Variants in ABI2 observed in about 807,000 individuals in gnomAD.
ABI2 encodes the protein abl interactor 2.
Under a neutral mutation model 59.2 loss-of-function variants are expected in ABI2, and 25 were observed. That is an observed-to-expected ratio of 0.42 (90% CI 0.31 to 0.59). The LOEUF is 0.59. Ranked by LOEUF, ABI2 falls within the 20% of genes least tolerant of loss-of-function variation. The probability of loss-of-function intolerance (pLI) is 0.14; values close to 1 mark genes in which losing one functional copy is unlikely to be tolerated. For missense variants in ABI2, 545 were observed against 681.8 expected, an observed-to-expected ratio of 0.80 and a Z score of 2.23; for synonymous variants, 213 against 235.5, an observed-to-expected ratio of 0.90 and a Z score of 0.87.
intron 3 of ABI2, among the ~76,000 whole-genome samples, chr2:203,381,106 T>C (rs2096092564): frequency 6.6e-6 from 1 of 152,224 alleles, no homozygotes. Flanking sequence ...TTCATGTAGT[T>C]GATTTTTTTT....
chr2:203,339,519 T>C (rs2078602578), intron 1 of ABI2, among the ~76,000 whole-genome samples: 1 of 147,214 alleles, frequency 6.8e-6, no homozygotes, highest in Non-Finnish European at 1.5e-5. Context: ...AGGCAGAGGT[T>C]GCAGTGAGCC....
chr2:203,392,077 G>T (rs985920658), intron 5 of ABI2, among the ~76,000 whole-genome samples: 2 of 152,202 alleles, frequency 1.3e-5, no homozygotes, highest in Admixed American at 6.5e-5. Context: ...CAGCTGCCAA[G>T]AATTCAGTTT....
chr2:203,376,245 CATG>C, intron 2 of ABI2: 5 of 716,522 alleles, frequency 7.0e-6, no homozygotes, highest in Non-Finnish European at 1.1e-5. Flanking sequence ...TGTCACATCT[CATG>C]GTGGGGGAGT....
chr2:203,394,889 C>T, intron 6 of ABI2, 43 bp downstream of exon 6: 1 of 1,600,552 alleles, frequency 6.2e-7, no homozygotes. Context: ...GTCATAGTAC[C>T]ATAATCTGTT....
At chr2:203,335,424 A>AT (rs970567933) in intron 1 of ABI2, among the ~76,000 whole-genome samples, 4 of 151,732 alleles carry the variant, frequency 2.6e-5, no homozygotes, top group African/African-American at 7.3e-5. Context: ...TGCCCAGCTA[A>AT]TTTTTTTTGT....
At chr2:203,391,203 C>A in intron 5 of ABI2, 60 bp downstream of exon 5, 7 of 1,154,560 alleles carry the variant, frequency 6.1e-6, no homozygotes, top group Non-Finnish European at 8.4e-6. Context: ...AAATGAAGCA[C>A]AACATATTTA....
intron 1 of ABI2, among the ~76,000 whole-genome samples, chr2:203,338,856 G>T (rs945739452): frequency 1.4e-5 from 2 of 145,228 alleles, no homozygotes; most frequent in Non-Finnish European, 3.0e-5. Context: ...GGCAATTTAT[G>T]GAATGGGAGA....
chr2:203,424,823 A>G (rs187980867), intron 11 of ABI2, among the ~76,000 whole-genome samples: 117 of 152,338 alleles, frequency 7.7e-4, no homozygotes, highest in Non-Finnish European at 1.5e-3. Flanking sequence ...CTCTACCATT[A>G]TAAACAGTCT....
chr2:203,395,485 ATT>A (rs1553589684), intron 6 of ABI2, among the ~76,000 whole-genome samples, 169 bp from the exon 7 acceptor site: 2 of 146,098 alleles, frequency 1.4e-5, no homozygotes, highest in African/African-American at 5.1e-5. Flanking sequence ...ACACACACAC[ATT>A]TTTTTTTAAC....
intron 1 of ABI2, among the ~76,000 whole-genome samples, chr2:203,360,091 A>G (rs1323082271): frequency 6.7e-6 from 1 of 149,826 alleles, no homozygotes; most frequent in Non-Finnish European, 1.5e-5. Context: ...AGGCTGAGGC[A>G]GGAGAATCGC....
chr2:203,402,581 C>G lies in ABI2; in HGVS notation c.1039C>G (p.Pro347Ala). The G allele has an allele frequency of 6.5e-7, 1 of 1,541,232 alleles. No homozygotes were observed. The highest frequency in any genetic ancestry group is 8.7e-7 in the Non-Finnish European group (1 of 1,151,302). The change falls in exon 9 of 12, where the codon CCT becomes GCT. Residue 347 changes from proline (P) to alanine (A), a missense_variant. Coordinates refer to ENST00000261018, the MANE Select transcript of ABI2 (RefSeq NM_001375670.1). ...VVSSTPPTGH[P>A]VQFYSMNRPA... ...ATGTTCTATCTCTTTTTCAGGTCAT[C>G]CTGTACAGTTCTACAGCATGAATAG...
At chr2:203,398,803 A>C (rs2097108227) in intron 8 of ABI2, among the ~76,000 whole-genome samples, 2 of 152,152 alleles carry the variant, frequency 1.3e-5, no homozygotes, top group Admixed American at 6.5e-5. Context: ...GAAAGCATAT[A>C]GTATGTAGCT....
chr2:203,380,460 T>TA (rs1262660441), intron 3 of ABI2, 76 bp downstream of exon 3: 11 of 984,084 alleles, frequency 1.1e-5, no homozygotes, highest in Non-Finnish European at 1.6e-5. Context: ...TTAAGCTTTT[T>TA]ATCTGTCTTT....
At chr2:203,358,111 GTGTT>G (rs776036611) in intron 1 of ABI2, among the ~76,000 whole-genome samples, 1,254 of 109,190 alleles carry the variant, frequency 0.011, 6 homozygotes, top group Non-Finnish European at 0.015. Context: ...GTGTGTGTGT[GTGTT>G]TGTTTGTTTG....
intron 1 of ABI2, among the ~76,000 whole-genome samples, chr2:203,333,863 G>A (rs886276142): frequency 2.0e-5 from 3 of 152,030 alleles, no homozygotes; most frequent in Non-Finnish European, 4.4e-5. Flanking sequence ...TCCTTGAAGA[G>A]CTTCCTGGTT....
chr2:203,329,301 G>A (rs2071074769), intron 1 of ABI2: 1 of 73,832 alleles, frequency 1.4e-5, no homozygotes, highest in Non-Finnish European at 4.4e-5. Flanking sequence ...GACTATGACT[G>A]TTTCTTAGAG....
At position 203,429,643 on chromosome 2, in the gene ABI2, G is replaced by A. The variant is rs570363681; in HGVS notation, c.*2291G>A. The A allele has an allele frequency of 6.6e-6, 1 of 152,258 alleles. No homozygotes were observed. Among genetic ancestry groups the A allele is most frequent in the African/African-American group, 2.4e-5 (1 of 41,488 alleles). The allele number at this position is 152,258 out of a possible 1,614,324, so 9.4% of individuals were successfully genotyped here. A position where few individuals can be genotyped will look rare whatever the true frequency, so the allele number is the denominator to read the frequency against. ...GTGGTGGCGCACACCTGTAGTCCCA[G>A]CTACTTGGGAGGCTGAGGCAGGAGA... On this transcript the variant is annotated 3_prime_UTR_variant, in exon 12 of 12. Transcript: ENST00000261018.
In ABI2 at chr2:203,355,931, T is replaced by C. The variant is rs571390054; in HGVS notation, c.118-10946T>C. 3.3e-5 allele frequency among the ~76,000 whole-genome samples: 5 copies of C among 151,724 alleles called. No individual in the cohort carries two copies. The South Asian group carries it at 1.1e-3, about 32-fold the overall frequency. ...TTTGACTAGATGTAGAATTATAGAT[T>C]GGAAATAATTTTTTCCCCAGATTGT... On this transcript the variant is annotated intron_variant, in intron 1 of 11. Transcript: ENST00000261018.
chr2:203,344,796 C>G (rs1041915725), intron 1 of ABI2, among the ~76,000 whole-genome samples: 2 of 152,104 alleles, frequency 1.3e-5, no homozygotes, highest in Non-Finnish European at 2.9e-5. Flanking sequence ...GACTCTGTGT[C>G]TAGCTAAAGG....
Sources: gnomAD v4.1 joint callset for allele counts (sites outside exome capture counted in the v4.1 genomes callset) on GRCh38, gnomAD v4.1.1 for gene constraint, MANE v1.5 for transcripts, NCBI Gene and HGNC (gene_info 2026-07-23, HGNC 2026-07-21) for gene names.